Variants in RAPGEF5 observed in about 807,000 individuals in gnomAD.
The protein encoded by RAPGEF5 is M-Ras-regulated GEF.
A neutral mutation model predicts 125.2 loss-of-function variants in RAPGEF5; 65 were observed. That is an observed-to-expected ratio of 0.52 (90% confidence interval 0.43 to 0.64). The LOEUF (loss-of-function observed/expected upper bound fraction) is 0.64, where lower values mean the gene tolerates loss of function less well. RAPGEF5 is among the 30% of genes least tolerant of loss of function. The probability of loss-of-function intolerance (pLI) is 0.00; values close to 1 mark genes in which losing one functional copy is unlikely to be tolerated. For synonymous variants in RAPGEF5, 391 were observed against 385.9 expected, an observed-to-expected ratio of 1.01 and a Z score of -0.16; for missense variants, 958 against 1,048.1, an observed-to-expected ratio of 0.91 and a Z score of 1.19.
At chr7:22,186,667 T>G (rs1784834369) in intron 11 of RAPGEF5, among the ~76,000 whole-genome samples, 1 of 152,194 alleles carries the variant, frequency 6.6e-6, no homozygotes, top group Non-Finnish European at 1.5e-5. Context: ...ATTAAATAAA[T>G]AAAGGAACTA....
chr7:22,192,600 T>A (rs1009404460), intron 11 of RAPGEF5: 2 of 152,244 alleles, frequency 1.3e-5, no homozygotes, highest in Admixed American at 6.5e-5. Flanking sequence ...GCCTATTCAT[T>A]GGAATAACTG....
At chr7:22,220,451 C>A (rs140407255) in intron 8 of RAPGEF5, among the ~76,000 whole-genome samples, 1 of 152,076 alleles carries the variant, frequency 6.6e-6, no homozygotes, top group Admixed American at 6.5e-5. Context: ...CAAATTATTC[C>A]GTATATAAAT....
chr7:22,138,741 G>A (rs1026623852), intron 21 of RAPGEF5, among the ~76,000 whole-genome samples: 1 of 152,232 alleles, frequency 6.6e-6, no homozygotes, highest in African/African-American at 2.4e-5. Flanking sequence ...GCAGTGCTCT[G>A]CACATAGCAG....
intron 1 of RAPGEF5, among the ~76,000 whole-genome samples, chr7:22,327,715 A>G (rs1783840966): frequency 6.6e-6 from 1 of 152,264 alleles, no homozygotes; most frequent in South Asian, 2.1e-4. Flanking sequence ...TGAGTGAAAT[A>G]AAATCTACTT....
intron 11 of RAPGEF5, among the ~76,000 whole-genome samples, chr7:22,173,697 C>G (rs1784419146): frequency 1.3e-5 from 2 of 152,146 alleles, no homozygotes; most frequent in Non-Finnish European, 2.9e-5. Context: ...ATGCTTAATT[C>G]TATACACTGC....
At chr7:22,287,336 A>G (rs1158143835) in intron 6 of RAPGEF5, among the ~76,000 whole-genome samples, 2 of 152,232 alleles carry the variant, frequency 1.3e-5, no homozygotes, top group African/African-American at 2.4e-5. Context: ...TGTTCCTTCA[A>G]TATGAAAACT....
chr7:22,312,964 G>C (rs549946576), intron 3 of RAPGEF5, among the ~76,000 whole-genome samples: 1 of 152,128 alleles, frequency 6.6e-6, no homozygotes, highest in African/African-American at 2.4e-5. Flanking sequence ...GAGATGGTTG[G>C]AACAGAACAA....
rs1420929578 is a variant in RAPGEF5 at position 22,120,413 on chromosome 7, T to G, written c.*1993A>C. ...AATGTTCTACTAGGAGCAATGTAGT[T>G]CTAATGTAAATAAAAATCCAAATTT... On this transcript the variant is annotated 3_prime_UTR_variant, in exon 26 of 26. Coordinates refer to ENST00000665637, the MANE Select transcript of RAPGEF5 (RefSeq NM_012294.5). The surrounding 1 kb of genome is among the most constrained non-coding windows in gnomAD (Gnocchi z 4.0). 1 of 152,598 alleles carries G rather than the reference T, an allele frequency of 6.6e-6. No individual in the cohort carries two copies. The highest frequency in any genetic ancestry group is 1.5e-5 in the Non-Finnish European group (1 of 68,044). 9.5% of individuals were successfully genotyped at this position (152,598 alleles called of 1,614,324 possible).
intron 7 of RAPGEF5, among the ~76,000 whole-genome samples, chr7:22,264,117 A>G (rs1583529961): frequency 6.6e-6 from 1 of 151,498 alleles, no homozygotes; most frequent in African/African-American, 2.4e-5. Context: ...CCTTATCATA[A>G]GGAATTAAGG....
chr7:22,195,344 C>A (rs1785122896), intron 9 of RAPGEF5, among the ~76,000 whole-genome samples: 2 of 152,184 alleles, frequency 1.3e-5, no homozygotes, highest in South Asian at 4.1e-4. Context: ...GACTTTACCT[C>A]CTGGTATTCT....
At chr7:22,315,518 GT>G in intron 2 of RAPGEF5, 42 bp from the exon 3 acceptor site, 3 of 1,277,854 alleles carry the variant, frequency 2.3e-6, no homozygotes, top group Non-Finnish European at 3.0e-6. Context: ...GAACAATAAT[GT>G]GACAATTTGT....
intron 11 of RAPGEF5, among the ~76,000 whole-genome samples, chr7:22,183,377 A>G (rs1431801242): frequency 7.3e-5 from 11 of 151,526 alleles, no homozygotes; most frequent in Admixed American, 5.3e-4. Flanking sequence ...ACTTATGGCA[A>G]CTCTCAGTGG....
chr7:22,240,672 C>T lies in RAPGEF5; in HGVS notation c.797-9753G>A, dbSNP rs115513883. 9.9e-3 allele frequency among the ~76,000 whole-genome samples: 1,507 copies of T among 152,184 alleles called. 23 individuals are homozygous for T. The highest frequency in any genetic ancestry group is 0.035 in the African/African-American group (1,438 of 41,532). On this transcript the variant is annotated intron_variant, in intron 7 of 25. Transcript: ENST00000665637. The stretch of plus-strand genomic sequence containing the variant: ...ACAGGAGTGAGCCACCATGACTAGC[C>T]AGCTTTACTTTTTTTTTGTGCCTTT...
chr7:22,294,417 G>A (rs1312488277), intron 5 of RAPGEF5, among the ~76,000 whole-genome samples: 1 of 152,104 alleles, frequency 6.6e-6, no homozygotes, highest in Non-Finnish European at 1.5e-5. Context: ...GGTGCTCTAG[G>A]CAGATGTCTC....
At chr7:22,158,032 A>T in intron 14 of RAPGEF5, 147 bp from the exon 15 acceptor site, 1 of 705,280 alleles carries the variant, frequency 1.4e-6, no homozygotes, top group Non-Finnish European at 2.4e-6. Flanking sequence ...TTCACTATGT[A>T]CAACACATTT....
chr7:22,303,077 T>C (rs1783250050), intron 5 of RAPGEF5, among the ~76,000 whole-genome samples: 1 of 152,188 alleles, frequency 6.6e-6, no homozygotes, highest in Non-Finnish European at 1.5e-5. Context: ...TCAAGTTCCC[T>C]CACAGCCTAA....
At chr7:22,233,571 C>T (rs976066357) in intron 7 of RAPGEF5, among the ~76,000 whole-genome samples, 2 of 152,118 alleles carry the variant, frequency 1.3e-5, no homozygotes, top group African/African-American at 4.8e-5. Flanking sequence ...CTCCCTCTGT[C>T]ACCCAGGCTG....
At position 22,189,228 on chromosome 7, in the gene RAPGEF5, A is replaced by G. The variant is rs556211440; in HGVS notation, c.1204+4139T>C. ...AAAAAGATGAATAAGGAAATGGGAA[A>G]TAACATATTTCCTATGTTTTCCCTA... On this transcript the variant is annotated intron_variant, in intron 11 of 25. Coordinates refer to ENST00000665637, the MANE Select transcript of RAPGEF5 (RefSeq NM_012294.5). Among the ~76,000 whole-genome samples, 149 of 152,256 alleles carry G rather than the reference A, an allele frequency of 9.8e-4. 1 individual carries two copies. The highest frequency in any genetic ancestry group is 2.3e-3 in the Admixed American group (35 of 15,298).
chr7:22,340,541 G>A (rs901593402), intron 1 of RAPGEF5, among the ~76,000 whole-genome samples: 1 of 152,218 alleles, frequency 6.6e-6, no homozygotes, highest in African/African-American at 2.4e-5. Flanking sequence ...CTAGACTGGA[G>A]GTGAAAACAA....
Sources: gnomAD v4.1 joint callset for allele counts (sites outside exome capture counted in the v4.1 genomes callset) on GRCh38, gnomAD v4.1.1 for gene constraint, Gnocchi (gnomAD v3.1) non-coding constraint, MANE v1.5 for transcripts, NCBI Gene and HGNC (gene_info 2026-07-23, HGNC 2026-07-21) for gene names.